Variants in SCYL3 observed in about 807,000 individuals in gnomAD.
SCYL3 encodes the protein protein-associating with the carboxyl-terminal domain of ezrin.
In SCYL3, 35 loss-of-function variants were observed where a neutral mutation model predicts 73.8. That is an observed-to-expected ratio of 0.47 (90% confidence interval 0.36 to 0.63). SCYL3 has a LOEUF of 0.63. Among genes scored for constraint, SCYL3 ranks in the 20% least tolerant of loss-of-function variants. The probability of loss-of-function intolerance (pLI) is 0.00; values close to 1 mark genes in which losing one functional copy is unlikely to be tolerated. For missense variants in SCYL3, 712 were observed against 798.9 expected (o/e 0.89, Z 1.31); for synonymous variants, 277 against 295.2 (o/e 0.94, Z 0.63).
At chr1:169,862,226 G>T (rs1283773173) in intron 10 of SCYL3, among the ~76,000 whole-genome samples, 1 of 152,198 alleles carries the variant, frequency 6.6e-6, no homozygotes, top group Non-Finnish European at 1.5e-5. Flanking sequence ...TCATAATAAG[G>T]TTCCCTAGTG....
At chr1:169,885,699 G>T (rs565707525) in intron 2 of SCYL3, among the ~76,000 whole-genome samples, 1 of 152,234 alleles carries the variant, frequency 6.6e-6, no homozygotes, top group South Asian at 2.1e-4. Context: ...TGTAGAGCTT[G>T]CATTTGAGGT....
At position 169,855,947 on chromosome 1, in the gene SCYL3, C is replaced by T. The variant is rs764893802; in HGVS notation, c.1313-983G>A. The T allele has an allele frequency of 2.4e-5, 39 of 1,610,826 alleles. No homozygotes were observed. The Admixed American group carries it at 6.5e-4, about 27-fold the overall frequency. Reference sequence around the variant, plus strand: ...GACTGTGATGGCTGCAGACGACACACATAGGAGAATCTGAAGGTAAATAAA... The same window carrying T: ...GACTGTGATGGCTGCAGACGACACATATAGGAGAATCTGAAGGTAAATAAA... On this transcript the variant is annotated intron_variant, in intron 11 of 12. Transcript: ENST00000367771.
chr1:169,862,559 C>G, intron 10 of SCYL3, 54 bp downstream of exon 10: 1 of 1,561,190 alleles, frequency 6.4e-7, no homozygotes, highest in Non-Finnish European at 8.8e-7. Flanking sequence ...CTCTTTCTTT[C>G]AGCACTCTTC....
At chr1:169,855,205 G>GC (rs1362287677) in intron 11 of SCYL3, among the ~76,000 whole-genome samples, 1 of 152,098 alleles carries the variant, frequency 6.6e-6, no homozygotes, top group Non-Finnish European at 1.5e-5. Flanking sequence ...AATAACTAGT[G>GC]CATTCAATCC....
rs1658684628 is a variant in SCYL3 at position 169,853,399 on chromosome 1, T to TC, written c.*313dup. The TC allele has an allele frequency of 2.8e-6, 1 of 360,176 alleles. No homozygotes were observed. Among genetic ancestry groups the TC allele is most frequent in the Non-Finnish European group, 5.0e-6 (1 of 201,428 alleles). 22.3% of individuals were successfully genotyped at this position (360,176 alleles called of 1,614,324 possible). ...CAGCTTGAATTACATTTTCTTTACT[T>TC]CCAGAATTGTCCTGGAAAAAGCAGT... On this transcript the variant is annotated 3_prime_UTR_variant, in exon 13 of 13. Transcript: ENST00000367771.
At chr1:169,856,072 GA>G in intron 11 of SCYL3, 1 of 859,642 alleles carries the variant, frequency 1.2e-6, no homozygotes, top group South Asian at 1.8e-5. Flanking sequence ...ACATATAAAG[GA>G]TAAAATGGAG....
At chr1:169,887,117 A>G (rs374978219) in intron 2 of SCYL3, among the ~76,000 whole-genome samples, 6 of 152,226 alleles carry the variant, frequency 3.9e-5, no homozygotes, top group African/African-American at 9.6e-5. Flanking sequence ...CTGAGAATCT[A>G]AAGTTATCAC....
chr1:169,860,704 G>A (rs1166864539), intron 10 of SCYL3, among the ~76,000 whole-genome samples: 1 of 152,088 alleles, frequency 6.6e-6, no homozygotes, highest in Non-Finnish European at 1.5e-5. Flanking sequence ...ACAGCAATCC[G>A]CCCAAGCCAA....
intron 4 of SCYL3, among the ~76,000 whole-genome samples, chr1:169,875,190 A>T (rs1166640766): frequency 6.6e-6 from 1 of 152,190 alleles, no homozygotes; most frequent in Non-Finnish European, 1.5e-5. Context: ...GGCCCAAGTT[A>T]AGTGTGGAAG....
At chr1:169,868,806 A>G (rs1387525992) in intron 7 of SCYL3, 122 bp downstream of exon 7, 1 of 634,400 alleles carries the variant, frequency 1.6e-6, no homozygotes, top group Non-Finnish European at 2.8e-6. Flanking sequence ...TCTCCTAATA[A>G]TTAACAACAG....
chr1:169,873,495 A>G (rs554282204), intron 5 of SCYL3, among the ~76,000 whole-genome samples: 2 of 152,326 alleles, frequency 1.3e-5, no homozygotes, highest in African/African-American at 4.8e-5. Flanking sequence ...AAACAATATC[A>G]TAGGTGTTTA....
chr1:169,874,654 G>T (rs372148774), intron 4 of SCYL3, among the ~76,000 whole-genome samples: 1 of 152,134 alleles, frequency 6.6e-6, no homozygotes, highest in Admixed American at 6.5e-5. Context: ...GGCCAGGCTC[G>T]GTGGCTCATA....
Position 169,852,428 on chromosome 1 carries a change from C to G in SCYL3, c.*1285G>C. The G allele has an allele frequency of 3.7e-6, 1 of 270,198 alleles. No homozygotes were observed. Among genetic ancestry groups the G allele is most frequent in the East Asian group, 9.3e-5 (1 of 10,716 alleles). 16.7% of individuals were successfully genotyped at this position (270,198 alleles called of 1,614,324 possible). A position where few individuals can be genotyped will look rare whatever the true frequency, so the allele number is the denominator to read the frequency against. ...TAGTATAGTAGTAATTCATGAAGAA[C>G]AACATTCTGATAAGTTTTAGTCAAA... On this transcript the variant is annotated 3_prime_UTR_variant, in exon 13 of 13. Coordinates refer to ENST00000367771, the MANE Select transcript of SCYL3 (RefSeq NM_020423.7).
At position 169,851,847 on chromosome 1, in the gene SCYL3, A is replaced by C; in HGVS notation, c.*1866T>G. ...GTTTGTAGATGAAACTGAAGCTGCC[A>C]AAGTGGAACGTGTGAAACAGGAAAA... On this transcript the variant is annotated 3_prime_UTR_variant, in exon 13 of 13. Coordinates refer to ENST00000367771, the MANE Select transcript of SCYL3 (RefSeq NM_020423.7). 6.2e-7 allele frequency: 1 copy of C among 1,614,054 alleles called. No individual in the cohort carries two copies. Among genetic ancestry groups the C allele is most frequent in the Non-Finnish European group, 8.5e-7 (1 of 1,179,958 alleles).
In SCYL3 at chr1:169,854,865, T is replaced by G; in HGVS notation, c.1412A>C (p.Lys471Thr). Residue 471 changes from lysine (K) to threonine (T), a missense_variant, in exon 12 of 13, where the codon AAG becomes ACG. This residue lies in a region of SCYL3 where 370 missense variants were observed against 350.8 expected (regional missense o/e 1.05). Coordinates refer to ENST00000367771, the MANE Select transcript of SCYL3 (RefSeq NM_020423.7). ...ACTCCAGTCAGGCCACTCCTCAGACTTTTTAGAACTTGATGGGAAGTTTTC... is the reference window on the plus strand; with the variant it reads ...ACTCCAGTCAGGCCACTCCTCAGACGTTTTAGAACTTGATGGGAAGTTTTC... Reference protein sequence around the residue: ...DSENFPSSSKKSEEWPDWSEP... With the variant: ...DSENFPSSSKTSEEWPDWSEP... 5 of 1,613,980 alleles carry G rather than the reference T, an allele frequency of 3.1e-6. No individual in the cohort carries two copies. Among genetic ancestry groups the G allele is most frequent in the Non-Finnish European group, 4.2e-6 (5 of 1,179,882 alleles).
At chr1:169,876,734 T>A (rs1660852565) in intron 3 of SCYL3, among the ~76,000 whole-genome samples, 1 of 151,874 alleles carries the variant, frequency 6.6e-6, no homozygotes, top group Admixed American at 6.6e-5. Context: ...GGCAGGCAGA[T>A]CATGAGGTCA....
rs576159482 is a variant in SCYL3 at position 169,852,003 on chromosome 1, G to T, written c.*1710C>A. 2 of 1,606,554 alleles carry T rather than the reference G, an allele frequency of 1.2e-6. No individual in the cohort carries two copies. The highest frequency in any genetic ancestry group is 1.7e-6 in the Non-Finnish European group (2 of 1,174,810). ...AATTCTGCCCTTTTTACTTACTGAC[G>T]AAACAAACCAGTGTGGTTTCCAGCC... On this transcript the variant is annotated 3_prime_UTR_variant, in exon 13 of 13. Transcript: ENST00000367771.
Position 169,852,668 on chromosome 1 carries a change from C to A in SCYL3, c.*1045G>T. ...ACTGTGTAGGGGTTTTGGGGTGCAT[C>A]CTCCTACCCTTGTGATCCAATGACT... On this transcript the variant is annotated 3_prime_UTR_variant, in exon 13 of 13. Coordinates refer to ENST00000367771, the MANE Select transcript of SCYL3 (RefSeq NM_020423.7). The A allele has an allele frequency of 2.0e-6, 2 of 1,024,720 alleles. No homozygotes were observed. The highest frequency in any genetic ancestry group is 2.9e-6 in the Non-Finnish European group (2 of 699,750). 63.5% of individuals were successfully genotyped at this position (1,024,720 alleles called of 1,614,324 possible).
In SCYL3 at chr1:169,853,786, A is replaced by G; in HGVS notation, c.2008-14T>C. 6.2e-7 allele frequency: 1 copy of G among 1,613,768 alleles called. No homozygotes were observed. Among genetic ancestry groups the G allele is most frequent in the Non-Finnish European group, 8.5e-7 (1 of 1,179,850 alleles). On this transcript the variant is annotated splice_polypyrimidine_tract_variant and intron_variant, in intron 12 of 12. Coordinates refer to ENST00000367771, the MANE Select transcript of SCYL3 (RefSeq NM_020423.7). ...TTCAGCCTCTCCCTGCAACAAAATAAAGCACACCAAGAACCCACTGAAACA... is the reference window on the plus strand; with the variant it reads ...TTCAGCCTCTCCCTGCAACAAAATAGAGCACACCAAGAACCCACTGAAACA...
Sources: gnomAD v4.1 joint callset for allele counts (sites outside exome capture counted in the v4.1 genomes callset) on GRCh38, gnomAD v4.1.1 for gene constraint, gnomAD v4.1.1 regional missense constraint, MANE v1.5 for transcripts, NCBI Gene and HGNC (gene_info 2026-07-23, HGNC 2026-07-21) for gene names.